The following ASNS variants were observed in gnomAD, a reference collection of about 807,000 sequenced individuals.
ASNS encodes the protein asparagine synthetase (glutamine-hydrolyzing), also known as asparagine synthetase [glutamine-hydrolyzing].
In ASNS, 37 loss-of-function variants were observed where a neutral mutation model predicts 62.6. The observed-to-expected ratio is 0.59, with a 90% CI of 0.45 to 0.78. The LOEUF is 0.78. ASNS is among the 30% of genes least tolerant of loss of function. ASNS has a pLI of 0.00. For synonymous variants in ASNS, 207 were observed against 237.9 expected (o/e 0.87, Z 1.19); for missense variants, 520 against 682.4 (o/e 0.76, Z 2.65).
the ASNS span, among the ~76,000 whole-genome samples, chr7:97,905,593 G>C: frequency 6.6e-6 from 1 of 152,124 alleles, no homozygotes; most frequent in Non-Finnish European, 1.5e-5. Context: ...TCAGAGCCCA[G>C]AGTTGAGTTC....
chr7:97,854,820 A>G (rs1257195376), intron 9 of ASNS, 140 bp from the exon 10 acceptor site: 8 of 1,470,804 alleles, frequency 5.4e-6, no homozygotes, highest in Non-Finnish European at 7.4e-6. Context: ...GAACAGAGGT[A>G]AGCAATGCTT....
chr7:97,869,298 T>A (rs1225126602), intron 2 of ASNS, 119 bp from the exon 3 acceptor site: 1 of 1,180,460 alleles, frequency 8.5e-7, no homozygotes, highest in Non-Finnish European at 1.2e-6. Flanking sequence ...AACCATCTTT[T>A]CTATAGCGAT....
At chr7:97,915,533 A>G in the ASNS span, among the ~76,000 whole-genome samples, 105 of 152,318 alleles carry the variant, frequency 6.9e-4, no homozygotes, top group African/African-American at 2.4e-3. Context: ...GATGACACGC[A>G]CAGAAACAGG....
intron 12 of ASNS, among the ~76,000 whole-genome samples, 168 bp from the exon 13 acceptor site, chr7:97,852,636 C>T (rs1791235512): frequency 6.6e-6 from 1 of 152,154 alleles, no homozygotes; most frequent in African/African-American, 2.4e-5. Context: ...ATATGGATAG[C>T]TGCAGTGCCT....
At chr7:97,924,737 A>G in the ASNS span, among the ~76,000 whole-genome samples, 1 of 152,254 alleles carries the variant, frequency 6.6e-6, no homozygotes, top group African/African-American at 2.4e-5. Flanking sequence ...GGTGGGTGAT[A>G]TTCTGGTCTG....
chr7:97,884,013 A>T, the ASNS span, among the ~76,000 whole-genome samples: 1 of 150,862 alleles, frequency 6.6e-6, no homozygotes, highest in South Asian at 2.1e-4. Context: ...AAAAAATTAT[A>T]AAAGGTCACC....
chr7:97,896,735 C>CATAT, the ASNS span, among the ~76,000 whole-genome samples: 11 of 24,958 alleles, frequency 4.4e-4, no homozygotes, highest in South Asian at 3.7e-3. Flanking sequence ...CACACACACA[C>CATAT]ACACACATAT....
At chr7:97,910,664 C>T in the ASNS span, among the ~76,000 whole-genome samples, 1 of 151,526 alleles carries the variant, frequency 6.6e-6, no homozygotes, top group African/African-American at 2.4e-5. Flanking sequence ...TCCAGTGGTG[C>T]AATCTCAGCT....
rs1791277284 is a variant in ASNS, at chr7:97,853,304, C to A, written c.1320+1G>T. 1 of 1,613,638 alleles carries A rather than the reference C, an allele frequency of 6.2e-7. No individual in the cohort carries two copies. Among genetic ancestry groups the A allele is most frequent in the Non-Finnish European group, 8.5e-7 (1 of 1,179,846 alleles). On this transcript the variant is annotated splice_donor_variant, in intron 11 of 12. Coordinates refer to ENST00000394308, the MANE Select transcript of ASNS (RefSeq NM_001673.5). LOFTEE classifies it high-confidence loss of function. Reference sequence around the variant, plus strand: ...GTTTTACCTTGAGTTGATTTACCTACCTTTGGAATTCTCATTTCTGGTGGC... The same window carrying A: ...GTTTTACCTTGAGTTGATTTACCTAACTTTGGAATTCTCATTTCTGGTGGC...
At chr7:97,877,468 A>G (rs1792465788), upstream of ASNS, among the ~76,000 whole-genome samples, 1 of 152,126 alleles carries the variant, frequency 6.6e-6, no homozygotes, top group South Asian at 2.1e-4. Context: ...CCATCCAGTT[A>G]TTATCTGTTT....
chr7:97,871,264 CAGTT>C (rs759403216), intron 1 of ASNS, among the ~76,000 whole-genome samples: 3 of 152,222 alleles, frequency 2.0e-5, no homozygotes, highest in Non-Finnish European at 4.4e-5. Context: ...CAATACATCT[CAGTT>C]AGGACTAGCC....
Position 97,859,370 on chromosome 7 carries a change from A to T in ASNS, c.516T>A (p.Thr172=). The T allele has an allele frequency of 6.2e-7, 1 of 1,612,998 alleles. No homozygotes were observed. The highest frequency in any genetic ancestry group is 1.1e-5 in the South Asian group (1 of 90,988). ...GAAAAGGCTCCACTTTTAAAAAGGGAGTCGCGGAGTGCTTCAATGTAACAA... is the reference window on the plus strand; with the variant it reads ...GAAAAGGCTCCACTTTTAAAAAGGGTGTCGCGGAGTGCTTCAATGTAACAA... ...KGLVTLKHSA[T]PFLKVEPFLP... is the part of the protein sequence containing the mutation. Residue 172 remains threonine, a synonymous_variant, in exon 5 of 13, where the codon ACT becomes ACA. Transcript: ENST00000394308.
chr7:97,889,495 G>A, the ASNS span, among the ~76,000 whole-genome samples: 2 of 152,078 alleles, frequency 1.3e-5, no homozygotes, highest in East Asian at 1.9e-4. Context: ...CCAGCCTGGT[G>A]ACAGAGCTAG....
chr7:97,924,312 GA>G, the ASNS span, among the ~76,000 whole-genome samples: 2 of 152,170 alleles, frequency 1.3e-5, no homozygotes, highest in Non-Finnish European at 2.9e-5. Context: ...GGGGATGCGA[GA>G]ACTTCCCACC....
chr7:97,872,707 G>GT (rs1371006746), upstream of ASNS, among the ~76,000 whole-genome samples: 13 of 152,320 alleles, frequency 8.5e-5, no homozygotes, highest in Admixed American at 5.2e-4. Flanking sequence ...AATCATCACC[G>GT]TTTTTTTGTT....
At chr7:97,861,390 A>G (rs572689829) in intron 4 of ASNS, among the ~76,000 whole-genome samples, 1 of 152,216 alleles carries the variant, frequency 6.6e-6, no homozygotes, top group Non-Finnish European at 1.5e-5. Flanking sequence ...ATATGGTTAC[A>G]TATCTGGTTG....
chr7:97,902,743 C>CAAA, the ASNS span, among the ~76,000 whole-genome samples: 504 of 152,100 alleles, frequency 3.3e-3, 15 homozygotes, highest in African/African-American at 0.011. Context: ...ACAACAACAA[C>CAAA]AAAAAACTGA....
At chr7:97,927,627 G>A in the ASNS span, among the ~76,000 whole-genome samples, 1 of 152,274 alleles carries the variant, frequency 6.6e-6, no homozygotes, top group South Asian at 2.1e-4. Context: ...GGAGTGAGAG[G>A]GACTTCACGC....
At chr7:97,924,080 A>G in the ASNS span, among the ~76,000 whole-genome samples, 2 of 152,130 alleles carry the variant, frequency 1.3e-5, no homozygotes, top group East Asian at 1.9e-4. Flanking sequence ...CGGCCTGCCA[A>G]CCCTGCGGTT....
Sources: gnomAD v4.1 joint callset for allele counts (sites outside exome capture counted in the v4.1 genomes callset) on GRCh38, gnomAD v4.1.1 for gene constraint, MANE v1.5 for transcripts, NCBI Gene and HGNC (gene_info 2026-07-23, HGNC 2026-07-21) for gene names.